Variants in RTEL1 observed in about 807,000 individuals in gnomAD.
The protein encoded by RTEL1 is regulator of telomere elongation helicase 1, also known as regulator of telomere length.
RTEL1 carries 86 observed loss-of-function variants against 162.2 expected under a neutral mutation model. That is an observed-to-expected ratio of 0.53 (90% CI 0.45 to 0.63). RTEL1 has a LOEUF of 0.63. RTEL1 is among the 30% of genes least tolerant of loss of function. The pLI, the probability that RTEL1 is intolerant of heterozygous loss-of-function variation, is 0.00. For synonymous variants in RTEL1, 958 were observed against 717.9 expected (o/e 1.33, Z -5.35); for missense variants, 1,941 against 1,750.2 (o/e 1.11, Z -1.95).
At chr20:63,663,638 C>T (rs898284980) in intron 6 of RTEL1, among the ~76,000 whole-genome samples, 12 of 152,322 alleles carry the variant, frequency 7.9e-5, no homozygotes, top group African/African-American at 2.6e-4. Context: ...CTTACAGTTT[C>T]TGTGACCTGA....
In RTEL1 at chr20:63,688,996, T is replaced by G. The variant is rs1241200461; in HGVS notation, c.1801-59T>G. ...GAGCATGAGACCTGGGTCTCCCTCA[T>G]GGGGGAGGAAGGGGCTGGGGGGGGG... On this transcript the variant is annotated intron_variant, in intron 21 of 34. Coordinates refer to ENST00000360203, the MANE Select transcript of RTEL1 (RefSeq NM_001283009.2). 7.6e-6 allele frequency: 11 copies of G among 1,440,828 alleles called. No homozygotes were observed. In the East Asian group the frequency reaches 1.1e-4, roughly 15 times the overall value. The allele number at this position is 1,440,828 out of a possible 1,614,324, so 89.3% of individuals were successfully genotyped here. A position where few individuals can be genotyped will look rare whatever the true frequency, so the allele number is the denominator to read the frequency against.
At chr20:63,663,368 G>A (rs758100395) in intron 6 of RTEL1, among the ~76,000 whole-genome samples, 2 of 152,194 alleles carry the variant, frequency 1.3e-5, no homozygotes, top group Admixed American at 6.5e-5. Context: ...ACCTTGCTGC[G>A]GAAAATTATG....
At chr20:63,685,369 A>C (rs2090568819) in intron 14 of RTEL1, among the ~76,000 whole-genome samples, 154 bp from the exon 15 acceptor site, 1 of 152,200 alleles carries the variant, frequency 6.6e-6, no homozygotes, top group South Asian at 2.1e-4. Context: ...GGCAGGTGCC[A>C]GCTCCTGTCC....
At chr20:63,689,000 G>A in intron 21 of RTEL1, 55 bp from the exon 22 acceptor site, 1 of 1,482,612 alleles carries the variant, frequency 6.7e-7, no homozygotes, top group Non-Finnish European at 9.4e-7. Flanking sequence ...CCCTCATGGG[G>A]GAGGAAGGGG....
In RTEL1 at chr20:63,688,508, C is replaced by T. The variant is rs763165865; in HGVS notation, c.1723-20C>T. On this transcript the variant is annotated intron_variant, in intron 20 of 34. Coordinates refer to ENST00000360203, the MANE Select transcript of RTEL1 (RefSeq NM_001283009.2). Reference sequence around the variant, plus strand: ...GCGGCGTGACCAGGGCTGCCGTGTCCCTGCCTCTTCCTCCCACAGGCCCGC... The same window carrying T: ...GCGGCGTGACCAGGGCTGCCGTGTCTCTGCCTCTTCCTCCCACAGGCCCGC... The T allele has an allele frequency of 1.9e-6, 3 of 1,608,864 alleles. No homozygotes were observed. In the South Asian group the frequency reaches 3.3e-5, roughly 18 times the overall value.
chr20:63,673,894 C>A, intron 9 of RTEL1, 46 bp from the exon 10 acceptor site: 1 of 1,547,870 alleles, frequency 6.5e-7, no homozygotes, highest in South Asian at 1.2e-5. Flanking sequence ...CTGGAACCCC[C>A]GATCCTGTCC....
In RTEL1 at chr20:63,690,275, C is replaced by T. The variant is rs778215086; in HGVS notation, c.2266-19C>T. The T allele has an allele frequency of 1.2e-6, 2 of 1,601,056 alleles. No individual in the cohort carries two copies. The highest frequency in any genetic ancestry group is 1.7e-5 in the Admixed American group (1 of 59,642). ...CAGAGGAGCCAGAAATGGGTCCACC[C>T]ACCCCCATGGTTCTGCAGATGCCAG... On this transcript the variant is annotated intron_variant, in intron 25 of 34. Coordinates refer to ENST00000360203, the MANE Select transcript of RTEL1 (RefSeq NM_001283009.2).
chr20:63,690,566 C>G, intron 26 of RTEL1, 125 bp downstream of exon 26: 1 of 1,273,272 alleles, frequency 7.9e-7, no homozygotes, highest in Non-Finnish European at 1.1e-6. Flanking sequence ...CTCCCACCTC[C>G]AAAGGCTGCC....
intron 30 of RTEL1, among the ~76,000 whole-genome samples, chr20:63,693,921 G>C (rs971953818): frequency 6.6e-6 from 1 of 150,884 alleles, no homozygotes; most frequent in Non-Finnish European, 1.5e-5. Context: ...ACACGCCAGG[G>C]TCCTAGGGTC....
rs2089972989 is a variant in RTEL1 at position 63,659,417 on chromosome 20, C to T, written c.15C>T (p.Val5=). Reference sequence around the variant, plus strand: ...AACAGGCTGATATGCCCAAGATAGTCCTGAATGGTGTGACCGTAGACTTCC... The same window carrying T: ...AACAGGCTGATATGCCCAAGATAGTTCTGAATGGTGTGACCGTAGACTTCC... MPKI[V]LNGVTVDFPF... Residue 5 remains valine, a synonymous_variant, in exon 2 of 35, where the codon GTC becomes GTT. Coordinates refer to ENST00000360203, the MANE Select transcript of RTEL1 (RefSeq NM_001283009.2). 1 of 1,613,764 alleles carries T rather than the reference C, an allele frequency of 6.2e-7. No individual in the cohort carries two copies. Among genetic ancestry groups the T allele is most frequent in the East Asian group, 2.2e-5 (1 of 44,886 alleles).
chr20:63,689,986 G>A, intron 24 of RTEL1, 101 bp from the exon 25 acceptor site: 2 of 1,560,134 alleles, frequency 1.3e-6, no homozygotes, highest in Non-Finnish European at 1.7e-6. Context: ...GCTACTCGGG[G>A]TCAGCGTGGG....
chr20:63,690,744 A>AGGC, intron 26 of RTEL1, 61 bp from the exon 27 acceptor site: 6 of 1,516,192 alleles, frequency 4.0e-6, no homozygotes, highest in Non-Finnish European at 5.3e-6. Flanking sequence ...GCTTTGCCAC[A>AGGC]GGCAGGGACC....
intron 27 of RTEL1, among the ~76,000 whole-genome samples, chr20:63,691,355 C>T (rs780331750): frequency 1.1e-4 from 17 of 152,114 alleles, no homozygotes; most frequent in Non-Finnish European, 2.1e-4. Flanking sequence ...CATAATTCCT[C>T]AGGCCAACCC....
intron 28 of RTEL1, chr20:63,692,142 A>G (rs994006346): frequency 1.5e-5 from 5 of 341,780 alleles, no homozygotes; most frequent in African/African-American, 8.6e-5. Flanking sequence ...CATGTGAGGG[A>G]CACAGCCCAT....
intron 8 of RTEL1, among the ~76,000 whole-genome samples, 198 bp from the exon 9 acceptor site, chr20:63,672,358 G>A (rs750429561): frequency 5.3e-5 from 8 of 152,182 alleles, no homozygotes; most frequent in Non-Finnish European, 1.0e-4. Context: ...GTGGAGGAGC[G>A]TCTCCCGGTA....
In RTEL1 at chr20:63,694,835, C is replaced by T. The variant is rs774018252; in HGVS notation, c.3204C>T (p.Arg1068=). 1.2e-6 allele frequency: 2 copies of T among 1,612,604 alleles called. No homozygotes were observed. The highest frequency in any genetic ancestry group is 8.5e-7 in the Non-Finnish European group (1 of 1,179,840). Residue 1068 remains arginine (R), a synonymous_variant, in exon 32 of 35, where the codon CGC becomes CGT. Transcript: ENST00000360203. Reference sequence around the variant, plus strand: ...TGAGCGCCTACCTGGCTGATGCCCGCAGGGCCCTGGGGTCCGCGGGCTGTA... The same window carrying T: ...TGAGCGCCTACCTGGCTGATGCCCGTAGGGCCCTGGGGTCCGCGGGCTGTA... ...HAVSAYLADA[R]RALGSAGCSQ...
In RTEL1 at chr20:63,688,547, A is replaced by G. The variant is rs376161950; in HGVS notation, c.1742A>G (p.Lys581Arg). The change falls in exon 21 of 35, where the codon AAG becomes AGG. Residue 581 changes from lysine to arginine, a missense_variant. Physicochemically the swap from Lys to Arg is conservative, Grantham distance 26. Transcript: ENST00000360203. Reference protein sequence around the residue: ...EFWRARDLARKMEALKPLFVE... With the variant: ...EFWRARDLARRMEALKPLFVE... ...CCACAGGCCCGCGACTTGGCCAGGA[A>G]GATGGAGGCGCTGAAGCCGCTGTTT... 3.7e-6 allele frequency: 6 copies of G among 1,610,728 alleles called. No individual in the cohort carries two copies. The Admixed American group carries it at 5.0e-5, about 13-fold the overall frequency.
chr20:63,682,427 G>A, intron 14 of RTEL1: 8 of 985,866 alleles, frequency 8.1e-6, no homozygotes, highest in Non-Finnish European at 9.6e-6. Context: ...TTAAGGAGAA[G>A]TCTCCACACT....
chr20:63,662,733 T>C, intron 5 of RTEL1, 96 bp from the exon 6 acceptor site: 1 of 1,592,472 alleles, frequency 6.3e-7, no homozygotes, highest in Non-Finnish European at 8.6e-7. Context: ...TGAAGTTCAC[T>C]GGGGGACTGC....
Sources: allele counts gnomAD v4.1 joint callset (sites outside exome capture counted in the v4.1 genomes callset), GRCh38; gene constraint gnomAD v4.1.1; transcripts MANE v1.5; gene names NCBI Gene and HGNC (gene_info 2026-07-23, HGNC 2026-07-21).